KCNN2: variants seen among roughly 807,000 people sequenced by gnomAD.
The protein encoded by KCNN2 is small conductance calcium-activated potassium channel protein 2.
Under a neutral mutation model 55.5 loss-of-function variants are expected in KCNN2, and 24 were observed. That is an observed-to-expected ratio of 0.43 (90% CI 0.31 to 0.61). The LOEUF is 0.61. Ranked by LOEUF, KCNN2 falls within the 20% of genes least tolerant of loss-of-function variation. KCNN2 has a pLI of 0.08. For synonymous variants in KCNN2, 431 were observed against 336.1 expected (o/e 1.28, Z -3.09); for missense variants, 754 against 853.6 (o/e 0.88, Z 1.45).
chr5:114,147,411 C>T (rs1215680430), intron 1 of KCNN2, among the ~76,000 whole-genome samples: 1 of 152,122 alleles, frequency 6.6e-6, no homozygotes, highest in Non-Finnish European at 1.5e-5. Context: ...CGTTGACGTC[C>T]TAACCCAATT....
chr5:114,406,509 C>T (rs958108105), intron 3 of KCNN2, among the ~76,000 whole-genome samples: 7 of 150,996 alleles, frequency 4.6e-5, no homozygotes, highest in Non-Finnish European at 1.0e-4. Context: ...GATAATATAT[C>T]GTAATCATTT....
At chr5:114,237,177 C>G (rs183431790) in intron 2 of KCNN2, among the ~76,000 whole-genome samples, 2 of 150,938 alleles carry the variant, frequency 1.3e-5, no homozygotes, top group African/African-American at 4.8e-5. Flanking sequence ...ATTTCCAGTA[C>G]GACAAGCAAT....
At chr5:114,180,024 A>G (rs1479973450) in intron 1 of KCNN2, among the ~76,000 whole-genome samples, 1 of 152,226 alleles carries the variant, frequency 6.6e-6, no homozygotes, top group African/African-American at 2.4e-5. Flanking sequence ...CATGACTTCT[A>G]TAGGTCAAGG....
chr5:114,345,610 T>C lies in KCNN2; in HGVS notation c.-184-15335T>C, dbSNP rs1403845895. Among the ~76,000 whole-genome samples the C allele has an allele frequency of 5.3e-5, 8 of 152,104 alleles. No homozygotes were observed. The East Asian group carries it at 1.4e-3, about 26-fold the overall frequency. On this transcript the variant is annotated intron_variant, in intron 2 of 10. Transcript: ENST00000512097. Reference sequence around the variant, plus strand: ...GCAGAAAGAACCGATCTAACTAACTTTGGAAAACATTAATTATGATGTGTG... The same window carrying C: ...GCAGAAAGAACCGATCTAACTAACTCTGGAAAACATTAATTATGATGTGTG...
intron 2 of KCNN2, among the ~76,000 whole-genome samples, chr5:114,328,181 G>T (rs878891835): frequency 1.3e-5 from 2 of 152,160 alleles, no homozygotes. Context: ...GGTATAACCA[G>T]AGTCCTAATT....
At chr5:114,456,383 T>C (rs376354819) in intron 3 of KCNN2, among the ~76,000 whole-genome samples, 2 of 152,206 alleles carry the variant, frequency 1.3e-5, no homozygotes, top group Admixed American at 6.5e-5. Flanking sequence ...TTGAGTTCTG[T>C]TGCTCAAAAC....
chr5:114,099,673 T>C (rs763795459), intron 1 of KCNN2, among the ~76,000 whole-genome samples: 1 of 152,122 alleles, frequency 6.6e-6, no homozygotes, highest in African/African-American at 2.4e-5. Context: ...TTAGAGTTCA[T>C]TGGCAATTGT....
In KCNN2 at chr5:114,363,104, G is replaced by A. The variant is rs1185384675; in HGVS notation, c.965G>A (p.Ser322Asn). 3.1e-6 allele frequency: 5 copies of A among 1,612,886 alleles called. No homozygotes were observed. The highest frequency in any genetic ancestry group is 4.2e-6 in the Non-Finnish European group (5 of 1,179,968). Residue 322 changes from serine (S) to asparagine (N), a missense_variant, in exon 1 of 8, where the codon AGC becomes AAC. By Grantham distance (46) the Ser-to-Asn change is conservative (BLOSUM62 1). This residue lies in a region of KCNN2 where 381 missense variants were observed against 259.1 expected (regional missense o/e 1.47). Coordinates refer to ENST00000673685, the MANE Select transcript of KCNN2 (RefSeq NM_021614.4). ...GGCAGCAGCAGTGGCACCAAGTCCA[G>A]CAAAAAGAAAAACCAGAACATCGGC... ...GHGSSSGTKSSKKKNQNIGYK... is the reference protein window; with the variant it reads ...GHGSSSGTKSNKKKNQNIGYK...
intron 2 of KCNN2, among the ~76,000 whole-genome samples, chr5:114,285,483 G>A (rs921851433): frequency 6.6e-6 from 1 of 151,916 alleles, no homozygotes; most frequent in Non-Finnish European, 1.5e-5. Flanking sequence ...TGGGAAATAA[G>A]GATAAGTAAA....
At chr5:114,406,167 A>T (rs977891483) in intron 3 of KCNN2, among the ~76,000 whole-genome samples, 6 of 151,124 alleles carry the variant, frequency 4.0e-5, no homozygotes, top group African/African-American at 1.5e-4. Flanking sequence ...TTCCAGAAGC[A>T]TTCACTTTAA....
intron 2 of KCNN2, among the ~76,000 whole-genome samples, chr5:114,279,906 A>G (rs900379087): frequency 2.0e-5 from 3 of 152,222 alleles, no homozygotes; most frequent in African/African-American, 4.8e-5. Flanking sequence ...ACTAGTTTAC[A>G]GTCCCACCAA....
chr5:114,074,252 C>T (rs755917251), intron 1 of KCNN2, among the ~76,000 whole-genome samples: 23 of 151,424 alleles, frequency 1.5e-4, no homozygotes, highest in Non-Finnish European at 2.6e-4. Flanking sequence ...CCATCACCAT[C>T]GGTAGAACTA....
intron 3 of KCNN2, among the ~76,000 whole-genome samples, chr5:114,422,329 G>A (rs1759495522): frequency 1.3e-5 from 2 of 152,106 alleles, no homozygotes; most frequent in Non-Finnish European, 1.5e-5. Flanking sequence ...AATGGGATTA[G>A]TGTTCTTATA....
intron 1 of KCNN2, among the ~76,000 whole-genome samples, chr5:114,101,930 A>G (rs1302479399): frequency 6.6e-6 from 1 of 152,120 alleles, no homozygotes. Context: ...ATGATTTATA[A>G]TCCTTTGTGG....
chr5:114,258,572 G>C (rs540900520), intron 2 of KCNN2, among the ~76,000 whole-genome samples: 28 of 152,172 alleles, frequency 1.8e-4, no homozygotes, highest in African/African-American at 6.5e-4. Flanking sequence ...AATCTTGGGA[G>C]GTTGTATTTT....
chr5:114,070,410 TTCTTTA>T (rs763636046), intron 1 of KCNN2, among the ~76,000 whole-genome samples: 38 of 152,354 alleles, frequency 2.5e-4, no homozygotes, highest in Non-Finnish European at 5.1e-4. Context: ...ACCTGAGCTA[TTCTTTA>T]TCTTTGTTTT....
chr5:114,318,887 C>T (rs1049570464), intron 2 of KCNN2, among the ~76,000 whole-genome samples: 2 of 152,030 alleles, frequency 1.3e-5, no homozygotes, highest in Non-Finnish European at 1.5e-5. Context: ...TAATTATTCT[C>T]ACTGAACTAT....
intron 6 of KCNN2, among the ~76,000 whole-genome samples, chr5:114,487,378 T>A (rs370061745): frequency 5.9e-5 from 9 of 152,338 alleles, no homozygotes; most frequent in Admixed American, 4.6e-4. Flanking sequence ...AAATCACTTA[T>A]TAGTACTAGA....
At chr5:114,328,922 T>C (rs1756757904) in intron 2 of KCNN2, among the ~76,000 whole-genome samples, 1 of 152,132 alleles carries the variant, frequency 6.6e-6, no homozygotes, top group Non-Finnish European at 1.5e-5. Context: ...GTGTGTATAG[T>C]GTGTATTTCT....
Sources: allele counts gnomAD v4.1 joint callset (sites outside exome capture counted in the v4.1 genomes callset), GRCh38; gene constraint gnomAD v4.1.1; regional missense constraint gnomAD v4.1.1; transcripts MANE v1.5; gene names NCBI Gene and HGNC (gene_info 2026-07-23, HGNC 2026-07-21).